Variants in LAMA3 observed in about 807,000 individuals in gnomAD.
LAMA3 encodes the protein laminin subunit alpha 3, also known as laminin subunit alpha-3.
A neutral mutation model predicts 402.0 loss-of-function variants in LAMA3; 281 were observed. The observed-to-expected ratio is 0.70, with a 90% confidence interval of 0.63 to 0.77. The LOEUF is 0.77. Among genes scored for constraint, LAMA3 ranks in the 30% least tolerant of loss-of-function variants. The pLI, the probability that LAMA3 is intolerant of heterozygous loss-of-function variation, is 0.00. For synonymous variants in LAMA3, 1,431 were observed against 1,558.4 expected (o/e 0.92, Z 1.93); for missense variants, 3,840 against 4,215.5 (o/e 0.91, Z 2.47).
At chr18:23,816,544 T>C in intron 18 of LAMA3, 57 bp downstream of exon 18, 1 of 1,371,510 alleles carries the variant, frequency 7.3e-7, no homozygotes, top group Non-Finnish European at 1.0e-6. Context: ...GTCTTAGACA[T>C]TCCTGCCTGT....
chr18:23,896,946 A>C (rs754570413), intron 44 of LAMA3, among the ~76,000 whole-genome samples: 6 of 152,182 alleles, frequency 3.9e-5, no homozygotes, highest in African/African-American at 9.7e-5. Context: ...TTGTTAGCAG[A>C]GAAGTAATAA....
intron 2 of LAMA3, among the ~76,000 whole-genome samples, chr18:23,723,582 G>C (rs768471135): frequency 1.4e-4 from 22 of 152,156 alleles, no homozygotes; most frequent in Non-Finnish European, 2.5e-4. Context: ...CTCGGTGGAT[G>C]GGGAGATCAG....
chr18:23,944,056 C>A, intron 69 of LAMA3, 85 bp downstream of exon 69: 1 of 1,342,194 alleles, frequency 7.5e-7, no homozygotes. Flanking sequence ...CAGCATCCTT[C>A]CCAGACATGA....
intron 32 of LAMA3, among the ~76,000 whole-genome samples, chr18:23,850,623 C>T (rs918969337): frequency 2.0e-5 from 3 of 152,130 alleles, no homozygotes; most frequent in Non-Finnish European, 4.4e-5. Flanking sequence ...TTATTCTGGC[C>T]AATTCTATCA....
At chr18:23,926,165 T>C (rs889647860) in intron 62 of LAMA3, among the ~76,000 whole-genome samples, 1 of 150,016 alleles carries the variant, frequency 6.7e-6, no homozygotes, top group Admixed American at 6.6e-5. Flanking sequence ...TCCTAGAACT[T>C]AAAATAAAAT....
intron 39 of LAMA3, among the ~76,000 whole-genome samples, chr18:23,877,488 GC>G (rs2064760646): frequency 6.6e-6 from 1 of 152,160 alleles, no homozygotes; most frequent in African/African-American, 2.4e-5. Context: ...GTTGTGTTGT[GC>G]CCTTTTGGAA....
At chr18:23,953,368 G>T (rs2082994598) in intron 74 of LAMA3, among the ~76,000 whole-genome samples, 1 of 143,166 alleles carries the variant, frequency 7.0e-6, no homozygotes, top group Non-Finnish European at 1.5e-5. Flanking sequence ...TTGAGATGGA[G>T]TCTCACTCTG....
At chr18:23,842,986 C>T (rs1202680203) in intron 29 of LAMA3, among the ~76,000 whole-genome samples, 1 of 152,220 alleles carries the variant, frequency 6.6e-6, no homozygotes, top group Non-Finnish European at 1.5e-5. Context: ...TCTCCACCAG[C>T]CCCTGCTTCC....
intron 21 of LAMA3, among the ~76,000 whole-genome samples, chr18:23,825,519 T>A (rs1355917085): frequency 4.6e-5 from 7 of 152,168 alleles, no homozygotes; most frequent in Non-Finnish European, 1.0e-4. Context: ...ACAATACTTA[T>A]CTTAATAGGT....
At chr18:23,712,146 C>T (rs946488413) in intron 1 of LAMA3, among the ~76,000 whole-genome samples, 2 of 151,854 alleles carry the variant, frequency 1.3e-5, no homozygotes, top group East Asian at 1.9e-4. Context: ...TTTGGGAGGC[C>T]GAGGCAGGCG....
chr18:23,945,862 G>T (rs1377977716), intron 69 of LAMA3, among the ~76,000 whole-genome samples: 1 of 152,020 alleles, frequency 6.6e-6, no homozygotes, highest in African/African-American at 2.4e-5. Context: ...TTTCTCTTTT[G>T]TGTAAGTTTC....
At chr18:23,827,775 G>T (rs1340844275) in intron 23 of LAMA3, among the ~76,000 whole-genome samples, 1 of 152,128 alleles carries the variant, frequency 6.6e-6, no homozygotes, top group Non-Finnish European at 1.5e-5. Context: ...TTCAGGGCAA[G>T]ATTTCTCTTA....
In LAMA3 at chr18:23,839,340, T is replaced by C. The variant is rs950904971; in HGVS notation, c.3192-445T>C. Among the ~76,000 whole-genome samples, 10 of 152,208 alleles carry C rather than the reference T, an allele frequency of 6.6e-5. No individual in the cohort carries two copies. The highest frequency in any genetic ancestry group is 2.2e-4 in the African/African-American group (9 of 41,446). On this transcript the variant is annotated intron_variant, in intron 26 of 74. Coordinates refer to ENST00000313654, the MANE Select transcript of LAMA3 (RefSeq NM_198129.4). This position sits in a 1 kb window ranked among gnomAD's most constrained non-coding sequence, Gnocchi z 4.5. ...AGCTTATGGGCATGGTCATGAAATC[T>C]GGTGTGCATAGTTAGGACTGTAGGA...
chr18:23,734,680 C>T (rs980567060), intron 2 of LAMA3, among the ~76,000 whole-genome samples: 1 of 152,170 alleles, frequency 6.6e-6, no homozygotes, highest in Non-Finnish European at 1.5e-5. Context: ...AGATTCTGAC[C>T]GAACTACAAT....
intron 2 of LAMA3, among the ~76,000 whole-genome samples, chr18:23,716,523 C>T (rs917832213): frequency 6.6e-6 from 1 of 152,136 alleles, no homozygotes; most frequent in Non-Finnish European, 1.5e-5. Flanking sequence ...CAAAATGACC[C>T]ATACTGAACT....
In LAMA3 at chr18:23,845,610, T is replaced by C. The variant is rs945657565; in HGVS notation, c.3719+486T>C. 1.1e-4 allele frequency among the ~76,000 whole-genome samples: 17 copies of C among 152,316 alleles called. No homozygotes were observed. In the East Asian group the frequency reaches 1.5e-3, roughly 14 times the overall value. ...TAGGATGGCCCTGAGTATCAGCTCC[T>C]GCCATTCTCTTCTGTGGACCCACCC... On this transcript the variant is annotated intron_variant, in intron 30 of 74. Transcript: ENST00000313654.
At chr18:23,840,383 T>C (rs1037874030) in intron 27 of LAMA3, among the ~76,000 whole-genome samples, 2 of 145,890 alleles carry the variant, frequency 1.4e-5, no homozygotes, top group East Asian at 2.0e-4. Context: ...CTTTCTTTCT[T>C]TTTTTTTTTT....
chr18:23,927,492 A>G (rs574541628), intron 62 of LAMA3, among the ~76,000 whole-genome samples: 2 of 152,186 alleles, frequency 1.3e-5, no homozygotes, highest in South Asian at 4.1e-4. Context: ...AATCCTGGCA[A>G]TAACCCTTTG....
At chr18:23,718,182 C>T (rs2061143463) in intron 2 of LAMA3, among the ~76,000 whole-genome samples, 1 of 152,080 alleles carries the variant, frequency 6.6e-6, no homozygotes, top group South Asian at 2.1e-4. Context: ...GGAGATCTCT[C>T]CCGTGAGATC....
Sources: allele counts gnomAD v4.1 joint callset (sites outside exome capture counted in the v4.1 genomes callset), GRCh38; gene constraint gnomAD v4.1.1; non-coding constraint Gnocchi (gnomAD v3.1); transcripts MANE v1.5; gene names NCBI Gene and HGNC (gene_info 2026-07-23, HGNC 2026-07-21).